Variants in NKAPL observed in about 807,000 individuals in gnomAD.
NKAPL encodes the protein NKAP-like protein.
In NKAPL, 7 loss-of-function variants were observed where a neutral mutation model predicts 14.7. That is an observed-to-expected ratio of 0.48 (90% CI 0.27 to 0.89). The LOEUF (loss-of-function observed/expected upper bound fraction) is 0.89. Among genes scored for constraint, NKAPL ranks in the 40% least tolerant of loss-of-function variants. The pLI is 0.12. For synonymous variants in NKAPL, 192 were observed against 179.9 expected, an observed-to-expected ratio of 1.07 and a Z score of -0.54; for missense variants, 466 against 494.1, an observed-to-expected ratio of 0.94 and a Z score of 0.54.
rs1491259977 is a variant in NKAPL, at chr6:28,259,739, AGG to A, written c.369_370del (p.Arg127AspfsTer8). The A allele has an allele frequency of 6.2e-7, 1 of 1,614,214 alleles. No individual in the cohort carries two copies. The highest frequency in any genetic ancestry group is 8.5e-7 in the Non-Finnish European group (1 of 1,180,034). Reference sequence around the variant, plus strand: ...GAGAGCCATCGGCAGAGGAGGCTGAAGGAGAGAGAGAGGATTGGGGAATTGGG... The same window carrying A: ...GAGAGCCATCGGCAGAGGAGGCTGAAAGAGAGAGAGGATTGGGGAATTGGG... On this transcript the variant is annotated frameshift_variant, in exon 1 of 1. Coordinates refer to ENST00000343684, the MANE Select transcript of NKAPL (RefSeq NM_001007531.3). LOFTEE classifies it low-confidence loss of function (END_TRUNC).
chr6:28,260,004 C>T lies in NKAPL; in HGVS notation c.633C>T (p.Asp211=). The T allele has an allele frequency of 6.2e-7, 1 of 1,603,178 alleles. No individual in the cohort carries two copies. Among genetic ancestry groups the T allele is most frequent in the East Asian group, 2.2e-5 (1 of 44,852 alleles). The change falls in exon 1 of 1, where the codon GAC becomes GAT. Residue 211 remains aspartate, a synonymous_variant. Coordinates refer to ENST00000343684, the MANE Select transcript of NKAPL (RefSeq NM_001007531.3). ...YSDSDSNSES[D]TNSDSDDDKK... is the part of the protein sequence containing the mutation. ...ATAGTGACAGTAACTCAGAGTCTGA[C>T]ACAAATTCTGACTCTGATGATGATA... is the stretch of plus-strand genomic sequence containing the variant.
In NKAPL at chr6:28,260,442, G is replaced by A; in HGVS notation, c.1071G>A (p.Glu357=). The part of the protein sequence containing the change: ...RRMEAVRLRK[E]NQIYSADEKR... ...TGGAGGCTGTACGACTGCGTAAGGA[G>A]AACCAGATCTACAGTGCTGATGAGA... Residue 357 remains glutamate (E), a synonymous_variant, in exon 1 of 1, where the codon GAG becomes GAA. Transcript: ENST00000343684. 1 of 1,614,146 alleles carries A rather than the reference G, an allele frequency of 6.2e-7. No homozygotes were observed. The highest frequency in any genetic ancestry group is 1.1e-5 in the South Asian group (1 of 91,076).
In NKAPL at chr6:28,259,747, G is replaced by C. The variant is rs1019779366; in HGVS notation, c.376G>C (p.Glu126Gln). Residue 126 changes from glutamate (E) to glutamine (Q), a missense_variant, in exon 1 of 1, where the codon GAG (glutamate) becomes CAG (glutamine). Transcript: ENST00000343684. The stretch of plus-strand genomic sequence containing the variant: ...TCGGCAGAGGAGGCTGAAGGAGAGA[G>C]AGAGGATTGGGGAATTGGGAGCGCC... ...SHRQRRLKER[E>Q]RIGELGAPEV... 2 of 1,614,236 alleles carry C rather than the reference G, an allele frequency of 1.2e-6. No homozygotes were observed. The highest frequency in any genetic ancestry group is 1.7e-6 in the Non-Finnish European group (2 of 1,180,048).
rs138622034 is a variant in NKAPL, at chr6:28,259,905, G to C, written c.534G>C (p.Lys178Asn). The change falls in exon 1 of 1, where the codon AAG becomes AAC. Residue 178 changes from lysine (K) to asparagine (N), a missense_variant. By Grantham distance (94) the Lys-to-Asn change is moderately conservative. Transcript: ENST00000343684. ...SDSNSEEHRK[K>N]KTSRSRNKKK... ...CCAACTCGGAAGAACATAGGAAAAA[G>C]AAGACCAGTCGTTCAAGAAACAAGA... 52 of 1,612,870 alleles carry C rather than the reference G, an allele frequency of 3.2e-5. 1 individual carries two copies. The African/African-American group carries it at 6.8e-4, about 21-fold the overall frequency.
rs1391320705 is a variant in NKAPL at position 28,259,912 on chromosome 6, A to G, written c.541A>G (p.Ser181Gly). ...GGAAGAACATAGGAAAAAGAAGACCAGTCGTTCAAGAAACAAGAAAAAAAG... is the reference window on the plus strand; with the variant it reads ...GGAAGAACATAGGAAAAAGAAGACCGGTCGTTCAAGAAACAAGAAAAAAAG... ...NSEEHRKKKT[S>G]RSRNKKKRKN... The change falls in exon 1 of 1, where the codon AGT (serine) becomes GGT (glycine). Residue 181 changes from serine (S) to glycine (G), a missense_variant. By Grantham distance (56) the Ser-to-Gly change is moderately conservative (BLOSUM62 0). Coordinates refer to ENST00000343684, the MANE Select transcript of NKAPL (RefSeq NM_001007531.3). The G allele has an allele frequency of 6.2e-7, 1 of 1,611,686 alleles. No homozygotes were observed. Among genetic ancestry groups the G allele is most frequent in the Admixed American group, 1.7e-5 (1 of 59,372 alleles).
rs747971912 is a variant in NKAPL at position 28,260,126 on chromosome 6, G to A, written c.755G>A (p.Ser252Asn). 3.7e-6 allele frequency: 6 copies of A among 1,603,580 alleles called. 1 individual carries two copies. The South Asian group carries it at 6.8e-5, about 18-fold the overall frequency. The stretch of plus-strand genomic sequence containing the variant: ...ACCAAAAAAGAATCCAGTGACTCAA[G>A]CTGTAAAGACTCAGAAGAGGACTTG... ...KKTKKESSDS[S>N]CKDSEEDLSE... is the part of the protein sequence containing the mutation. The change falls in exon 1 of 1, where the codon AGC (serine) becomes AAC (asparagine). Residue 252 changes from serine (S) to asparagine (N), a missense_variant. Ser to Asn is a conservative substitution (Grantham distance 46). Coordinates refer to ENST00000343684, the MANE Select transcript of NKAPL (RefSeq NM_001007531.3).
At position 28,260,381 on chromosome 6, in the gene NKAPL, C is replaced by T; in HGVS notation, c.1010C>T (p.Ser337Leu). 6.2e-7 allele frequency: 1 copy of T among 1,614,058 alleles called. No individual in the cohort carries two copies. The highest frequency in any genetic ancestry group is 1.1e-5 in the South Asian group (1 of 91,078). The part of the protein sequence containing the change: ...TSEEIGSFEC[S>L]GYVMSGSRHR... ...GAAGAGATCGGTTCTTTTGAATGCT[C>T]AGGTTATGTCATGAGTGGTAGCAGG... Residue 337 changes from serine to leucine, a missense_variant, in exon 1 of 1, where the codon TCA becomes TTA. Transcript: ENST00000343684.
At position 28,259,769 on chromosome 6, in the gene NKAPL, C is replaced by T. The variant is rs751561387; in HGVS notation, c.398C>T (p.Ala133Val). ...KERERIGELG[A>V]PEVWGPSPKF... ...AGAGAGAGGATTGGGGAATTGGGAG[C>T]GCCTGAAGTGTGGGGGCCGTCTCCA... The change falls in exon 1 of 1, where the codon GCG becomes GTG. Residue 133 changes from alanine to valine, a missense_variant. Ala to Val is a moderately conservative substitution (Grantham distance 64). Transcript: ENST00000343684. 1.2e-6 allele frequency: 2 copies of T among 1,614,022 alleles called. No homozygotes were observed. The highest frequency in any genetic ancestry group is 1.3e-5 in the African/African-American group (1 of 74,912).
In NKAPL at chr6:28,259,381, G is replaced by C. The variant is rs1251818201; in HGVS notation, c.10G>C (p.Val4Leu). Residue 4 changes from valine to leucine, a missense_variant, in exon 1 of 1, where the codon GTA becomes CTA. By Grantham distance (32) the Val-to-Leu change is conservative. Transcript: ENST00000343684. The part of the protein sequence containing the change: MPP[V>L]SRSSYSEDIV... The stretch of plus-strand genomic sequence containing the variant: ...CGTTGAGGCGCGGCTCATGCCCCCA[G>C]TATCCCGGTCCAGCTATTCCGAGGA... The C allele has an allele frequency of 6.3e-7, 1 of 1,579,318 alleles. No individual in the cohort carries two copies. Among genetic ancestry groups the C allele is most frequent in the African/African-American group, 1.3e-5 (1 of 74,440 alleles).
rs550146028 is a variant in NKAPL at position 28,260,781 on chromosome 6, C to G, written c.*201C>G. On this transcript the variant is annotated 3_prime_UTR_variant, in exon 1 of 1. Coordinates refer to ENST00000343684, the MANE Select transcript of NKAPL (RefSeq NM_001007531.3). ...ATGTGCACATGGTTTTAAAAATATT[C>G]AACCATTATAGGAGGAGAGTTAGTA... 1.8e-6 allele frequency: 1 copy of G among 564,122 alleles called. No individual in the cohort carries two copies. Among genetic ancestry groups the G allele is most frequent in the East Asian group, 3.3e-5 (1 of 30,426 alleles). The allele number at this position is 564,122 out of a possible 1,614,324, so 34.9% of individuals were successfully genotyped here. A position where few individuals can be genotyped will look rare whatever the true frequency, so the allele number is the denominator to read the frequency against.
Position 28,260,025 on chromosome 6 carries a change from T to C in NKAPL, c.654T>C (p.Asp218=). The change falls in exon 1 of 1, where the codon GAT becomes GAC. Residue 218 remains aspartate (D), a synonymous_variant. Transcript: ENST00000343684. ...CTGACACAAATTCTGACTCTGATGA[T>C]GATAAAAAGAGAGTTAAAGCCAAGA... The part of the protein sequence containing the change: ...SESDTNSDSD[D]DKKRVKAKKK... The C allele has an allele frequency of 1.3e-6, 2 of 1,596,866 alleles. No homozygotes were observed. The highest frequency in any genetic ancestry group is 1.7e-6 in the Non-Finnish European group (2 of 1,175,746).
chr6:28,260,574 C>A lies in NKAPL; in HGVS notation c.1203C>A (p.Asp401Glu), dbSNP rs778996794. Residue 401 changes from aspartate to glutamate, a missense_variant, in exon 1 of 1, where the codon GAC (aspartate) becomes GAA (glutamate). Physicochemically the swap from Asp to Glu is conservative, Grantham distance 45 (BLOSUM62 2). Coordinates refer to ENST00000343684, the MANE Select transcript of NKAPL (RefSeq NM_001007531.3). Reference sequence around the variant, plus strand: ...ACAAAAAGACAAAAGAGAAAGATGACAAGTAAGGACTTACTTGTTGCACAG... The same window carrying A: ...ACAAAAAGACAAAAGAGAAAGATGAAAAGTAAGGACTTACTTGTTGCACAG... The part of the protein sequence containing the change: ...MVHKKTKEKD[D>E]K 1.2e-6 allele frequency: 2 copies of A among 1,608,056 alleles called. No homozygotes were observed. The highest frequency in any genetic ancestry group is 1.1e-5 in the South Asian group (1 of 90,220).
Position 28,259,605 on chromosome 6 carries a change from C to A in NKAPL, c.234C>A (p.Phe78Leu), listed in dbSNP as rs1194772855. 6.2e-7 allele frequency: 1 copy of A among 1,614,216 alleles called. No individual in the cohort carries two copies. The change falls in exon 1 of 1, where the codon TTC (phenylalanine) becomes TTA (leucine). Residue 78 changes from phenylalanine to leucine, a missense_variant. Transcript: ENST00000343684. ...RSGSRGRLPR[F>L]RNYAFASSWS... ...GGTCGCGAGGGCGGCTCCCAAGATTCCGCAACTACGCCTTCGCGTCCTCCT... is the reference window on the plus strand; with the variant it reads ...GGTCGCGAGGGCGGCTCCCAAGATTACGCAACTACGCCTTCGCGTCCTCCT...
Position 28,259,951 on chromosome 6 carries a change from T to A in NKAPL, c.580T>A (p.Ser194Thr). 1 of 1,609,452 alleles carries A rather than the reference T, an allele frequency of 6.2e-7. No individual in the cohort carries two copies. The highest frequency in any genetic ancestry group is 8.5e-7 in the Non-Finnish European group (1 of 1,178,936). ...RNKKKRKNKS[S>T]KRKHRKYSDS... ...CAAGAAAAAAAGAAAGAATAAGTCG[T>A]CTAAAAGAAAGCATAGGAAATATTC... Residue 194 changes from serine to threonine, a missense_variant, in exon 1 of 1, where the codon TCT becomes ACT. Coordinates refer to ENST00000343684, the MANE Select transcript of NKAPL (RefSeq NM_001007531.3).
Position 28,260,329 on chromosome 6 carries a change from C to A in NKAPL, c.958C>A (p.Arg320=). The A allele has an allele frequency of 6.2e-7, 1 of 1,614,124 alleles. No individual in the cohort carries two copies. Among genetic ancestry groups the A allele is most frequent in the East Asian group, 2.2e-5 (1 of 44,876 alleles). ...EYVKAGKRIP[R]RGEIGLTSEE... ...TGTAAAAGCTGGAAAGCGAATCCCACGAAGAGGTGAAATTGGGTTGACAAG... is the reference window on the plus strand; with the variant it reads ...TGTAAAAGCTGGAAAGCGAATCCCAAGAAGAGGTGAAATTGGGTTGACAAG... The change falls in exon 1 of 1, where the codon CGA becomes AGA. Residue 320 remains arginine (R), a synonymous_variant. Coordinates refer to ENST00000343684, the MANE Select transcript of NKAPL (RefSeq NM_001007531.3).
rs1324919916 is a variant in NKAPL at position 28,260,491 on chromosome 6, C to A, written c.1120C>A (p.Gln374Lys). The change falls in exon 1 of 1, where the codon CAA becomes AAA. Residue 374 changes from glutamine to lysine, a missense_variant. Gln to Lys is a moderately conservative substitution (Grantham distance 53). Coordinates refer to ENST00000343684, the MANE Select transcript of NKAPL (RefSeq NM_001007531.3). ...GAAGAGAGCTCTTGCATCCTTTAAC[C>A]AAGAAGAGAGACGAAAGAGAGAAAG... is the stretch of plus-strand genomic sequence containing the variant. ...DEKRALASFN[Q>K]EERRKRESKI... The A allele has an allele frequency of 1.2e-6, 2 of 1,613,766 alleles. No homozygotes were observed. The highest frequency in any genetic ancestry group is 2.7e-5 in the African/African-American group (2 of 74,802).
rs771004833 is a variant in NKAPL, at chr6:28,260,333, G to C, written c.962G>C (p.Arg321Thr). The C allele has an allele frequency of 3.1e-6, 5 of 1,614,188 alleles. No homozygotes were observed. The South Asian group carries it at 5.5e-5, about 18-fold the overall frequency. ...YVKAGKRIPR[R>T]GEIGLTSEEI... is the part of the protein sequence containing the mutation. ...AAAGCTGGAAAGCGAATCCCACGAAGAGGTGAAATTGGGTTGACAAGTGAA... is the reference window on the plus strand; with the variant it reads ...AAAGCTGGAAAGCGAATCCCACGAACAGGTGAAATTGGGTTGACAAGTGAA... Residue 321 changes from arginine (R) to threonine (T), a missense_variant, in exon 1 of 1, where the codon AGA (arginine) becomes ACA (threonine). Coordinates refer to ENST00000343684, the MANE Select transcript of NKAPL (RefSeq NM_001007531.3).
In NKAPL at chr6:28,259,778, T is replaced by G. The variant is rs1466937023; in HGVS notation, c.407T>G (p.Val136Gly). 5.0e-6 allele frequency: 8 copies of G among 1,613,960 alleles called. No individual in the cohort carries two copies. Among genetic ancestry groups the G allele is most frequent in the Non-Finnish European group, 6.8e-6 (8 of 1,180,010 alleles). The change falls in exon 1 of 1, where the codon GTG (valine) becomes GGG (glycine). Residue 136 changes from valine (V) to glycine (G), a missense_variant. Transcript: ENST00000343684. ...ERIGELGAPE[V>G]WGPSPKFPQL... ...ATTGGGGAATTGGGAGCGCCTGAAG[T>G]GTGGGGGCCGTCTCCAAAGTTCCCT...
At position 28,259,307 on chromosome 6, in the gene NKAPL, C is replaced by A; in HGVS notation, c.-65C>A. The A allele has an allele frequency of 7.1e-7, 1 of 1,401,410 alleles. No homozygotes were observed. The highest frequency in any genetic ancestry group is 9.6e-7 in the Non-Finnish European group (1 of 1,039,392). 86.8% of individuals were successfully genotyped at this position (1,401,410 alleles called of 1,614,324 possible). A position where few individuals can be genotyped will look rare whatever the true frequency, so the allele number is the denominator to read the frequency against. On this transcript the variant is annotated 5_prime_UTR_variant, in exon 1 of 1. Coordinates refer to ENST00000343684, the MANE Select transcript of NKAPL (RefSeq NM_001007531.3). ...TGGGAGGCCGATTCTAGTGCGCCTG[C>A]GTGGCCGCGAATCACCAGCCAGCCT... is the stretch of plus-strand genomic sequence containing the variant.
Sources: allele counts gnomAD v4.1 joint callset, GRCh38; gene constraint gnomAD v4.1.1; transcripts MANE v1.5; gene names NCBI Gene and HGNC (gene_info 2026-07-23, HGNC 2026-07-21).